IMMP2L: variants seen among roughly 807,000 people sequenced by gnomAD.
The protein encoded by IMMP2L is mitochondrial inner membrane protease subunit 2.
A neutral mutation model predicts 19.3 loss-of-function variants in IMMP2L; 18 were observed. The observed-to-expected ratio is 0.93, with a 90% CI of 0.64 to 1.38. IMMP2L has a LOEUF of 1.38. Among genes scored for constraint, IMMP2L ranks in the 40% most tolerant of loss-of-function variants. The probability of loss-of-function intolerance (pLI) is 0.00; values close to 1 mark genes in which losing one functional copy is unlikely to be tolerated. For missense variants in IMMP2L, 233 were observed against 218.2 expected, an observed-to-expected ratio of 1.07 and a Z score of -0.43; for synonymous variants, 76 against 73.0, an observed-to-expected ratio of 1.04 and a Z score of -0.21.
intron 1 of IMMP2L, among the ~76,000 whole-genome samples, chr7:111,553,944 G>A (rs1443739202): frequency 6.6e-6 from 1 of 152,112 alleles, no homozygotes; most frequent in Non-Finnish European, 1.5e-5. Context: ...AAAACAGGTA[G>A]GCAGGACGGG....
chr7:111,104,138 T>A (rs984683962), intron 3 of IMMP2L, among the ~76,000 whole-genome samples: 2 of 151,702 alleles, frequency 1.3e-5, no homozygotes, highest in African/African-American at 4.8e-5. Context: ...GAAAGGCAAA[T>A]TTGCTGGAGG....
At chr7:111,307,628 T>C (rs1164177250) in intron 3 of IMMP2L, among the ~76,000 whole-genome samples, 1 of 151,584 alleles carries the variant, frequency 6.6e-6, no homozygotes, top group Non-Finnish European at 1.5e-5. Context: ...ATAGTATTTA[T>C]TAAATCGAGA....
At position 111,333,704 on chromosome 7, in the gene IMMP2L, G is replaced by A. The variant is rs558664416; in HGVS notation, c.239+153534C>T. Among the ~76,000 whole-genome samples, 6 of 152,176 alleles carry A rather than the reference G, an allele frequency of 3.9e-5. No homozygotes were observed. The East Asian group carries it at 1.2e-3, about 29-fold the overall frequency. On this transcript the variant is annotated intron_variant, in intron 3 of 5. Transcript: ENST00000405709. ...AGCTGACAGTGTAGCCAGAATAAAA[G>A]CAGGCAGAACATGAAAAGACTAGAC...
chr7:111,487,034 T>G (rs1842711754), intron 3 of IMMP2L, among the ~76,000 whole-genome samples: 1 of 152,168 alleles, frequency 6.6e-6, no homozygotes, highest in Non-Finnish European at 1.5e-5. Context: ...TCCAAATATG[T>G]TAGTCAACTA....
intron 3 of IMMP2L, among the ~76,000 whole-genome samples, chr7:111,201,495 T>C (rs2129615509): frequency 6.6e-6 from 1 of 152,096 alleles, no homozygotes; most frequent in Non-Finnish European, 1.5e-5. Flanking sequence ...GGGGGCAGAC[T>C]GCTTGAGCCT....
At chr7:111,307,218 T>G (rs1037558450) in intron 3 of IMMP2L, among the ~76,000 whole-genome samples, 3 of 151,716 alleles carry the variant, frequency 2.0e-5, no homozygotes, top group African/African-American at 7.2e-5. Context: ...AGATCTTAAT[T>G]TTCTTATATA....
intron 3 of IMMP2L, among the ~76,000 whole-genome samples, chr7:111,137,852 T>TC (rs1219599241): frequency 6.6e-6 from 1 of 152,202 alleles, no homozygotes; most frequent in Non-Finnish European, 1.5e-5. Flanking sequence ...TTAGACAGGG[T>TC]CTCACTCTGT....
Position 111,365,620 on chromosome 7 carries a change from A to G in IMMP2L, c.239+121618T>C, listed in dbSNP as rs534830396. Among the ~76,000 whole-genome samples, 19 of 152,280 alleles carry G rather than the reference A, an allele frequency of 1.2e-4. No homozygotes were observed. The South Asian group carries it at 2.3e-3, about 18-fold the overall frequency. ...TGAAGGATGAAAAGGAGAAACAATT[A>G]CCAACTAGTTTATAAACCACAATTT... On this transcript the variant is annotated intron_variant, in intron 3 of 5. Coordinates refer to ENST00000405709, the MANE Select transcript of IMMP2L (RefSeq NM_032549.4).
intron 5 of IMMP2L, among the ~76,000 whole-genome samples, chr7:110,860,580 C>A (rs970142144): frequency 2.0e-5 from 3 of 152,066 alleles, no homozygotes; most frequent in Non-Finnish European, 4.4e-5. Context: ...TTATCAGAAT[C>A]TTGGCCTTGA....
At chr7:110,707,215 C>T (rs1794764733) in intron 5 of IMMP2L, among the ~76,000 whole-genome samples, 1 of 60,430 alleles carries the variant, frequency 1.7e-5, no homozygotes, top group African/African-American at 6.3e-5. Flanking sequence ...TCCATGTGAT[C>T]TCATTGTTCA....
intron 3 of IMMP2L, among the ~76,000 whole-genome samples, chr7:111,274,278 T>C (rs752662656): frequency 1.3e-5 from 2 of 152,116 alleles, no homozygotes; most frequent in African/African-American, 2.4e-5. Context: ...ATATGAAACA[T>C]TAAAACTTCC....
At chr7:111,501,165 A>G (rs963103489) in intron 2 of IMMP2L, among the ~76,000 whole-genome samples, 13 of 152,198 alleles carry the variant, frequency 8.5e-5, no homozygotes, top group Non-Finnish European at 1.8e-4. Flanking sequence ...CTCGAGAACT[A>G]CGTGAAGAAT....
chr7:110,714,856 A>G (rs193169262), intron 5 of IMMP2L, among the ~76,000 whole-genome samples: 23 of 152,106 alleles, frequency 1.5e-4, no homozygotes, highest in African/African-American at 4.6e-4. Context: ...CAGCCTCCCA[A>G]AGTGCTGGGA....
At chr7:111,276,044 T>C (rs1304963508) in intron 3 of IMMP2L, among the ~76,000 whole-genome samples, 1 of 152,108 alleles carries the variant, frequency 6.6e-6, no homozygotes, top group African/African-American at 2.4e-5. Context: ...CTTAATACTT[T>C]CAACTTTTCC....
At chr7:111,181,263 A>G (rs1281753419) in intron 3 of IMMP2L, among the ~76,000 whole-genome samples, 1 of 152,030 alleles carries the variant, frequency 6.6e-6, no homozygotes, top group African/African-American at 2.4e-5. Context: ...TCTTCATGTG[A>G]CTTTCTAAAA....
At chr7:111,402,750 C>G (rs1294297708) in intron 3 of IMMP2L, among the ~76,000 whole-genome samples, 3 of 151,816 alleles carry the variant, frequency 2.0e-5, no homozygotes, top group Non-Finnish European at 2.9e-5. Flanking sequence ...ACTATAAAAT[C>G]AAATTAAAAA....
intron 5 of IMMP2L, among the ~76,000 whole-genome samples, chr7:110,690,473 A>T (rs1165537845): frequency 1.3e-5 from 2 of 152,150 alleles, no homozygotes; most frequent in Non-Finnish European, 2.9e-5. Context: ...AGGCAAGAGA[A>T]AGAGATAAAG....
rs1799932409 is a variant in IMMP2L at position 111,116,800 on chromosome 7, T to C, written c.240-153235A>G. 1.3e-5 allele frequency among the ~76,000 whole-genome samples: 2 copies of C among 152,186 alleles called. 1 individual carries two copies. Among genetic ancestry groups the C allele is most frequent in the South Asian group, 4.1e-4 (2 of 4,824 alleles). On this transcript the variant is annotated intron_variant, in intron 3 of 5. Transcript: ENST00000405709. ...CCAACAATAATAACAAAAAAGGCAG[T>C]GCACCTATACAGTTGGAGGAAACAC...
chr7:111,450,404 G>A lies in IMMP2L; in HGVS notation c.239+36834C>T, dbSNP rs375734924. On this transcript the variant is annotated intron_variant, in intron 3 of 5. Coordinates refer to ENST00000405709, the MANE Select transcript of IMMP2L (RefSeq NM_032549.4). ...CAGAACAGAGCCCTCAAATAACGCC[G>A]CATACCTACAACTATCTGATCTTTG... is the stretch of plus-strand genomic sequence containing the variant. 3.3e-5 allele frequency among the ~76,000 whole-genome samples: 5 copies of A among 151,758 alleles called. 1 individual carries two copies. Among genetic ancestry groups the A allele is most frequent in the African/African-American group, 7.3e-5 (3 of 41,336 alleles).
Sources: gnomAD v4.1 joint callset for allele counts (sites outside exome capture counted in the v4.1 genomes callset) on GRCh38, gnomAD v4.1.1 for gene constraint, MANE v1.5 for transcripts, NCBI Gene and HGNC (gene_info 2026-07-23, HGNC 2026-07-21) for gene names.